Variants in FRMD6 observed in about 807,000 individuals in gnomAD.
FRMD6 encodes FERM domain-containing protein 6.
Under a neutral mutation model 73.2 loss-of-function variants are expected in FRMD6, and 37 were observed. The observed-to-expected ratio is 0.51, with a 90% CI of 0.39 to 0.66. The LOEUF is 0.66. Ranked by LOEUF, FRMD6 falls within the 30% of genes least tolerant of loss-of-function variation. The pLI, the probability that FRMD6 is intolerant of heterozygous loss-of-function variation, is 0.00. For missense variants in FRMD6, 714 were observed against 780.5 expected, an observed-to-expected ratio of 0.91 and a Z score of 1.02; for synonymous variants, 273 against 282.2, an observed-to-expected ratio of 0.97 and a Z score of 0.33.
the FRMD6 span, among the ~76,000 whole-genome samples, chr14:51,437,930 G>A: frequency 2.0e-5 from 3 of 152,284 alleles, no homozygotes; most frequent in East Asian, 3.9e-4. Context: ...CCTCTGTGTA[G>A]CAGTGCACAG....
chr14:51,596,752 G>A (rs932745566), intron 2 of FRMD6, among the ~76,000 whole-genome samples: 4 of 152,138 alleles, frequency 2.6e-5, no homozygotes, highest in African/African-American at 9.7e-5. Context: ...CCCACCGCCT[G>A]GTTCAAAAGT....
At chr14:51,523,307 T>C (rs1373665771) in intron 1 of FRMD6, among the ~76,000 whole-genome samples, 1 of 152,180 alleles carries the variant, frequency 6.6e-6, no homozygotes, top group African/African-American at 2.4e-5. Context: ...AAATAAAATG[T>C]TATGCTACCT....
intron 2 of FRMD6, among the ~76,000 whole-genome samples, chr14:51,633,728 C>T (rs547370443): frequency 6.6e-6 from 1 of 151,298 alleles, no homozygotes; most frequent in Non-Finnish European, 1.5e-5. Flanking sequence ...AATAATAACT[C>T]TAATCAATTT....
chr14:51,488,310 T>C (rs929958673), upstream of FRMD6, among the ~76,000 whole-genome samples: 13 of 152,192 alleles, frequency 8.5e-5, no homozygotes, highest in African/African-American at 3.1e-4. Flanking sequence ...GAAGGGGTGA[T>C]TCCCCAAAGG....
intron 2 of FRMD6, among the ~76,000 whole-genome samples, chr14:51,609,992 G>A (rs1890422174): frequency 6.6e-6 from 1 of 152,156 alleles, no homozygotes; most frequent in Non-Finnish European, 1.5e-5. Context: ...ATAGAGGATT[G>A]AGCTCTTCCA....
intron 8 of FRMD6, among the ~76,000 whole-genome samples, chr14:51,712,186 C>T (rs893471747): frequency 1.3e-5 from 2 of 152,168 alleles, no homozygotes; most frequent in Non-Finnish European, 2.9e-5. Context: ...AAAGTCTGAG[C>T]GCCTTATTGC....
intron 2 of FRMD6, among the ~76,000 whole-genome samples, chr14:51,643,082 T>C (rs1243590684): frequency 1.3e-5 from 2 of 152,026 alleles, no homozygotes. Context: ...GAGCTTAGAG[T>C]CAGATTTCCT....
intron 1 of FRMD6, among the ~76,000 whole-genome samples, chr14:51,541,426 T>C (rs1375860737): frequency 6.6e-6 from 1 of 152,150 alleles, no homozygotes; most frequent in Non-Finnish European, 1.5e-5. Flanking sequence ...ATGGAGTTTA[T>C]ATCCTGGTAG....
Position 51,729,121 on chromosome 14 carries a change from A to C in FRMD6, c.*1092A>C, listed in dbSNP as rs1042844009. On this transcript the variant is annotated 3_prime_UTR_variant, in exon 14 of 14. Coordinates refer to ENST00000344768, the MANE Select transcript of FRMD6 (RefSeq NM_001267046.2). ...ACTGTTTTCTCATGTGCCTTTGGCC[A>C]TGATTCTCAACACTGATTGTATAAC... The C allele has an allele frequency of 1.3e-5, 2 of 152,214 alleles. No individual in the cohort carries two copies. Among genetic ancestry groups the C allele is most frequent in the African/African-American group, 4.8e-5 (2 of 41,466 alleles). The allele number at this position is 152,214 out of a possible 1,614,324, so 9.4% of individuals were successfully genotyped here. A position where few individuals can be genotyped will look rare whatever the true frequency, so the allele number is the denominator to read the frequency against.
At chr14:51,446,297 T>C in the FRMD6 span, among the ~76,000 whole-genome samples, 1 of 152,164 alleles carries the variant, frequency 6.6e-6, no homozygotes, top group East Asian at 1.9e-4. Context: ...CTCCTTTTCA[T>C]CTTTGGGAAA....
At chr14:51,677,575 T>C (rs949145910) in intron 1 of FRMD6, among the ~76,000 whole-genome samples, 4 of 152,168 alleles carry the variant, frequency 2.6e-5, no homozygotes, top group Non-Finnish European at 4.4e-5. Flanking sequence ...AAACCTGATA[T>C]GACTTTTGAA....
At chr14:51,529,554 G>A (rs1246908648) in intron 1 of FRMD6, among the ~76,000 whole-genome samples, 1 of 152,180 alleles carries the variant, frequency 6.6e-6, no homozygotes, top group Non-Finnish European at 1.5e-5. Flanking sequence ...TTATCTGTGT[G>A]TTTCTTATAT....
chr14:51,440,150 C>A, the FRMD6 span, among the ~76,000 whole-genome samples: 2 of 152,208 alleles, frequency 1.3e-5, no homozygotes, highest in Admixed American at 1.3e-4. Context: ...AGCTAACAAA[C>A]TTCAGCAGAT....
At chr14:51,546,712 C>T (rs1886493069) in intron 1 of FRMD6, 1 of 151,886 alleles carries the variant, frequency 6.6e-6, no homozygotes, top group South Asian at 2.1e-4. Context: ...GATGGCAACT[C>T]ATGTATACAT....
the FRMD6 span, among the ~76,000 whole-genome samples, chr14:51,442,326 C>G: frequency 7.0e-4 from 107 of 152,158 alleles, 1 homozygote; most frequent in Non-Finnish European, 1.1e-3. Context: ...TCTCTCCTTT[C>G]CTTTCTCTTC....
chr14:51,697,140 T>G (rs1896001630), intron 2 of FRMD6, among the ~76,000 whole-genome samples: 1 of 152,172 alleles, frequency 6.6e-6, no homozygotes, highest in African/African-American at 2.4e-5. Flanking sequence ...TACTACCATA[T>G]GATCCTGGAA....
chr14:51,515,047 C>A lies in FRMD6; in HGVS notation c.-210+25627C>A, dbSNP rs185289244. ...TTGTTCAACCATGATGGTGTCCCCA[C>A]CCCCATCCTAGAAACTTGTTATGCC... On this transcript the variant is annotated intron_variant, in intron 1 of 14. Transcript: ENST00000356218. 2.6e-3 allele frequency among the ~76,000 whole-genome samples: 398 copies of A among 152,304 alleles called. 1 individual carries two copies. The highest frequency in any genetic ancestry group is 4.2e-3 in the Non-Finnish European group (289 of 68,020).
the FRMD6 span, among the ~76,000 whole-genome samples, chr14:51,459,884 C>CTTTTTTTTTTTTTT: frequency 0.059 from 4,384 of 74,056 alleles, 767 homozygotes; most frequent in East Asian, 0.16. Context: ...TACTGACTCT[C>CTTTTTTTTTTTTTT]TTTTTTTTTT....
chr14:51,557,349 G>T (rs548925824), intron 1 of FRMD6, among the ~76,000 whole-genome samples: 1 of 152,108 alleles, frequency 6.6e-6, no homozygotes, highest in African/African-American at 2.4e-5. Flanking sequence ...TCAATGACAT[G>T]GATGAACCTG....
Sources: allele counts gnomAD v4.1 joint callset (sites outside exome capture counted in the v4.1 genomes callset), GRCh38; gene constraint gnomAD v4.1.1; transcripts MANE v1.5; gene names NCBI Gene and HGNC (gene_info 2026-07-23, HGNC 2026-07-21).